CERT1: variants seen among roughly 807,000 people sequenced by gnomAD.
The protein encoded by CERT1 is ceramide transporter 1, also known as ceramide transfer protein.
Under a neutral mutation model 87.9 loss-of-function variants are expected in CERT1, and 31 were observed. The ratio of observed to expected loss-of-function variants is 0.35; its 90% CI spans 0.27 to 0.48. The LOEUF is 0.48. Ranked by LOEUF, CERT1 falls within the 20% of genes least tolerant of loss-of-function variation. CERT1 has a pLI of 0.99. For missense variants in CERT1, 487 were observed against 758.0 expected, an observed-to-expected ratio of 0.64 and a Z score of 4.20; for synonymous variants, 289 against 250.9, an observed-to-expected ratio of 1.15 and a Z score of -1.44.
intron 7 of CERT1, 59 bp from the exon 8 acceptor site, chr5:75,411,162 T>A (rs1762920945): frequency 4.4e-6 from 4 of 916,206 alleles, no homozygotes; most frequent in African/African-American, 1.7e-5. Flanking sequence ...TACAATGAAG[T>A]CTTTTAGGTG....
chr5:75,381,748 C>G (rs1761595731), intron 15 of CERT1, among the ~76,000 whole-genome samples: 1 of 152,042 alleles, frequency 6.6e-6, no homozygotes, highest in South Asian at 2.1e-4. Context: ...GGTAAACGGC[C>G]CTGGTGGAAT....
intron 2 of CERT1, among the ~76,000 whole-genome samples, chr5:75,479,526 CTTA>C (rs1766128095): frequency 6.6e-6 from 1 of 152,146 alleles, no homozygotes; most frequent in Non-Finnish European, 1.5e-5. Flanking sequence ...TTAGTTCCCA[CTTA>C]TAAATGAGAA....
chr5:75,511,762 C>T (rs1437972108), upstream of CERT1: 2 of 1,551,258 alleles, frequency 1.3e-6, no homozygotes, highest in Non-Finnish European at 8.7e-7. Flanking sequence ...ACCCTACCTC[C>T]GGCTCTCCCG....
Position 75,441,469 on chromosome 5 carries a change from G to C in CERT1, c.349-14991C>G, listed in dbSNP as rs117790671. ...AGTGAAACTATCTTAACCATTAAGA[G>C]TACAGTTCAGTAGTGGTAAGTATAT... On this transcript the variant is annotated intron_variant, in intron 3 of 16. Coordinates refer to ENST00000643780, the MANE Select transcript of CERT1 (RefSeq NM_001379029.1). 1.1e-3 allele frequency among the ~76,000 whole-genome samples: 168 copies of C among 152,284 alleles called. 1 individual carries two copies. The East Asian group carries it at 0.027, about 25-fold the overall frequency.
At chr5:75,490,835 CT>C (rs972407064) in intron 2 of CERT1, among the ~76,000 whole-genome samples, 5 of 152,054 alleles carry the variant, frequency 3.3e-5, no homozygotes, top group African/African-American at 7.2e-5. Context: ...TATCTGGTAA[CT>C]TTTTTTCTTC....
At chr5:75,482,594 G>T (rs747935278) in intron 2 of CERT1, among the ~76,000 whole-genome samples, 7 of 152,310 alleles carry the variant, frequency 4.6e-5, no homozygotes, top group Admixed American at 2.6e-4. Context: ...GTGCTGTGGT[G>T]GCTGTGGGTC....
At chr5:75,400,448 G>C in intron 9 of CERT1, 151 bp from the exon 10 acceptor site, 1 of 539,886 alleles carries the variant, frequency 1.9e-6, no homozygotes, top group East Asian at 3.0e-5. Context: ...CCGCAGACAT[G>C]GCAAATCCTG....
intron 3 of CERT1, among the ~76,000 whole-genome samples, chr5:75,439,001 G>T (rs1446675254): frequency 7.9e-5 from 12 of 151,240 alleles, no homozygotes; most frequent in Admixed American, 7.9e-4. Flanking sequence ...GAGGAGGTCA[G>T]TAATATTTTT....
chr5:75,429,615 T>C (rs1316943076), intron 3 of CERT1, among the ~76,000 whole-genome samples: 1 of 151,962 alleles, frequency 6.6e-6, no homozygotes, highest in African/African-American at 2.4e-5. Context: ...GGCGAGGAGT[T>C]TATGGCTGCA....
chr5:75,500,916 T>C (rs958914711), intron 2 of CERT1, among the ~76,000 whole-genome samples: 17 of 152,196 alleles, frequency 1.1e-4, no homozygotes, highest in Non-Finnish European at 5.9e-5. Flanking sequence ...TTTCAAAATT[T>C]ATGTTTATTT....
chr5:75,382,506 G>GA (rs932552628), intron 14 of CERT1, among the ~76,000 whole-genome samples: 1 of 151,662 alleles, frequency 6.6e-6, no homozygotes, highest in East Asian at 1.9e-4. Context: ...AAGATTTAAT[G>GA]AAAAAAGACT....
intron 8 of CERT1, among the ~76,000 whole-genome samples, chr5:75,407,606 G>A (rs1365048705): frequency 3.3e-5 from 5 of 151,844 alleles, no homozygotes; most frequent in East Asian, 3.9e-4. Flanking sequence ...AAAAAGAAAC[G>A]TGGCAGCCAT....
chr5:75,446,879 G>C lies in CERT1; in HGVS notation c.348+12186C>G, dbSNP rs560479757. Among the ~76,000 whole-genome samples the C allele has an allele frequency of 2.0e-5, 3 of 152,340 alleles. No homozygotes were observed. The South Asian group carries it at 6.2e-4, about 32-fold the overall frequency. ...GAAAAGGAGAAAAGTTAAGGAGAAA[G>C]AGGGCATTGGCCCTTCAAGTCTCCT... On this transcript the variant is annotated intron_variant, in intron 3 of 16. Transcript: ENST00000643780.
intron 2 of CERT1, among the ~76,000 whole-genome samples, chr5:75,497,997 A>C (rs1365273976): frequency 6.6e-6 from 1 of 152,180 alleles, no homozygotes; most frequent in Non-Finnish European, 1.5e-5. Context: ...ATGGACAATG[A>C]AGTCCAGGGT....
intron 2 of CERT1, among the ~76,000 whole-genome samples, chr5:75,459,875 T>C (rs576192121): frequency 7.3e-4 from 110 of 149,960 alleles, no homozygotes; most frequent in Non-Finnish European, 4.0e-4. Flanking sequence ...AGGCAGAGAA[T>C]TGCTTAAACC....
At chr5:75,436,126 G>A (rs1764086815) in intron 3 of CERT1, among the ~76,000 whole-genome samples, 1 of 152,280 alleles carries the variant, frequency 6.6e-6, no homozygotes, top group African/African-American at 2.4e-5. Flanking sequence ...TCCACCTCCC[G>A]GGTTCACGCC....
At chr5:75,418,815 T>C (rs1561248848) in intron 6 of CERT1, among the ~76,000 whole-genome samples, 1 of 152,210 alleles carries the variant, frequency 6.6e-6, no homozygotes, top group African/African-American at 2.4e-5. Context: ...CAGTGGCTAT[T>C]CAGGAATGGG....
At chr5:75,374,834 G>A (rs1011005811), downstream of CERT1, 1 of 514,780 alleles carries the variant, frequency 1.9e-6, no homozygotes, top group African/African-American at 1.9e-5. Context: ...AAAGACTGAA[G>A]ATGGACTATT....
chr5:75,418,688 T>G (rs1031986677), intron 6 of CERT1, among the ~76,000 whole-genome samples: 1 of 152,020 alleles, frequency 6.6e-6, no homozygotes, highest in African/African-American at 2.4e-5. Flanking sequence ...TATGCAACAA[T>G]AATGATGAAT....
Sources: allele counts gnomAD v4.1 joint callset (sites outside exome capture counted in the v4.1 genomes callset), GRCh38; gene constraint gnomAD v4.1.1; transcripts MANE v1.5; gene names NCBI Gene and HGNC (gene_info 2026-07-23, HGNC 2026-07-21).